The following PTPRQ variants were observed in gnomAD, a reference collection of about 807,000 sequenced individuals.
PTPRQ encodes protein tyrosine phosphatase receptor type Q, also known as phosphatidylinositol phosphatase PTPRQ.
A neutral mutation model predicts 246.0 loss-of-function variants in PTPRQ; 199 were observed. The ratio of observed to expected loss-of-function variants is 0.81; its 90% CI spans 0.72 to 0.91. The LOEUF (loss-of-function observed/expected upper bound fraction) is 0.91, where lower values mean the gene tolerates loss of function less well. Ranked by LOEUF, PTPRQ falls within the 40% of genes least tolerant of loss-of-function variation. The pLI, the probability that PTPRQ is intolerant of heterozygous loss-of-function variation, is 0.00. For synonymous variants in PTPRQ, 869 were observed against 853.2 expected, an observed-to-expected ratio of 1.02 and a Z score of -0.32; for missense variants, 2,624 against 2,528.4, an observed-to-expected ratio of 1.04 and a Z score of -0.81.
chr12:80,447,709 T>A lies in PTPRQ; in HGVS notation c.390+1992T>A, dbSNP rs1211343742. On this transcript the variant is annotated intron_variant, in intron 3 of 44. Coordinates refer to ENST00000644991, the MANE Select transcript of PTPRQ (RefSeq NM_001145026.2). ...AACTTTGTCAAAAATCAGTTGGTTG[T>A]AGGTATGTGACTTTATTTCTGGGTT... is the stretch of plus-strand genomic sequence containing the variant. 5.1e-3 allele frequency among the ~76,000 whole-genome samples: 777 copies of A among 152,182 alleles called. 8 individuals are homozygous for A. The highest frequency in any genetic ancestry group is 0.018 in the African/African-American group (737 of 41,544).
intron 9 of PTPRQ, among the ~76,000 whole-genome samples, chr12:80,486,878 C>T (rs115604438): frequency 6.6e-6 from 1 of 152,154 alleles, no homozygotes; most frequent in East Asian, 1.9e-4. Context: ...TCTGTCCCCC[C>T]ACTTTTCAGC....
At chr12:80,604,977 T>C in intron 26 of PTPRQ, 82 bp from the exon 27 acceptor site, 1 of 1,320,806 alleles carries the variant, frequency 7.6e-7, no homozygotes, top group Non-Finnish European at 9.8e-7. Flanking sequence ...TGACTATCCA[T>C]TTTTCATGGT....
intron 25 of PTPRQ, among the ~76,000 whole-genome samples, chr12:80,574,587 AT>A (rs1897234334): frequency 1.3e-5 from 2 of 151,848 alleles, no homozygotes; most frequent in South Asian, 4.1e-4. Context: ...TTGTATTATT[AT>A]TTTTCGTGGC....
intron 25 of PTPRQ, among the ~76,000 whole-genome samples, chr12:80,580,288 T>C (rs1897394278): frequency 6.6e-6 from 1 of 152,174 alleles, no homozygotes; most frequent in African/African-American, 2.4e-5. Flanking sequence ...AAATGTAATT[T>C]AGTGAATACC....
chr12:80,458,837 T>C (rs1893057544), intron 4 of PTPRQ, among the ~76,000 whole-genome samples: 1 of 152,240 alleles, frequency 6.6e-6, no homozygotes, highest in East Asian at 1.9e-4. Flanking sequence ...TTACAACCAA[T>C]TGCAGGGTAT....
At chr12:80,560,682 TC>T (rs1896797062) in intron 25 of PTPRQ, among the ~76,000 whole-genome samples, 1 of 152,206 alleles carries the variant, frequency 6.6e-6, no homozygotes. Flanking sequence ...ACACATAACA[TC>T]TTTTACGGAA....
In PTPRQ at chr12:80,475,534, G is replaced by A. The variant is rs1426746086; in HGVS notation, c.1186+3283G>A. ...TGTTTGATTTTCTTTAGGTAATTTT[G>A]TATCAATATTAAAGTCTTCTCTAGT... On this transcript the variant is annotated intron_variant, in intron 8 of 44. Coordinates refer to ENST00000644991, the MANE Select transcript of PTPRQ (RefSeq NM_001145026.2). Among the ~76,000 whole-genome samples the A allele has an allele frequency of 3.3e-5, 5 of 152,066 alleles. No individual in the cohort carries two copies. In the East Asian group the frequency reaches 9.7e-4, roughly 29 times the overall value.
intron 38 of PTPRQ, among the ~76,000 whole-genome samples, chr12:80,654,023 C>T (rs28663997): frequency 1.4e-5 from 2 of 146,416 alleles, no homozygotes; most frequent in African/African-American, 5.5e-5. Context: ...TTCTTTTTTT[C>T]TTTCTTTCTT....
Position 80,678,544 on chromosome 12 carries a change from C to T in PTPRQ, c.6739-58C>T. On this transcript the variant is annotated intron_variant, in intron 43 of 44. Transcript: ENST00000644991. Reference sequence around the variant, plus strand: ...TGCTTTTAGCTTTAACAATATAACTCCCTTTATGAAACTCTTCATCAATAT... The same window carrying T: ...TGCTTTTAGCTTTAACAATATAACTTCCTTTATGAAACTCTTCATCAATAT... 2.7e-6 allele frequency: 4 copies of T among 1,480,418 alleles called. No individual in the cohort carries two copies. The Admixed American group carries it at 9.3e-5, about 35-fold the overall frequency. 91.7% of individuals were successfully genotyped at this position (1,480,418 alleles called of 1,614,324 possible).
intron 33 of PTPRQ, among the ~76,000 whole-genome samples, chr12:80,622,726 C>T (rs1899042416): frequency 6.6e-6 from 1 of 152,052 alleles, no homozygotes; most frequent in South Asian, 2.1e-4. Flanking sequence ...GGGTTCAAAT[C>T]TTGGCTCTGT....
chr12:80,678,843 AG>A (rs1410618762), intron 44 of PTPRQ, 118 bp downstream of exon 44: 18 of 1,436,612 alleles, frequency 1.3e-5, no homozygotes, highest in Non-Finnish European at 1.6e-5. Context: ...TGCACAGATC[AG>A]GTTTTTTTTC....
At chr12:80,553,067 G>A (rs949110243) in intron 25 of PTPRQ, among the ~76,000 whole-genome samples, 1 of 151,952 alleles carries the variant, frequency 6.6e-6, no homozygotes, top group African/African-American at 2.4e-5. Context: ...CTTGGACATT[G>A]TAGGCATTCA....
chr12:80,621,095 TGTTA>T (rs1307348262), intron 32 of PTPRQ, among the ~76,000 whole-genome samples: 1 of 151,898 alleles, frequency 6.6e-6, no homozygotes, highest in African/African-American at 2.4e-5. Flanking sequence ...CATTTGTGCC[TGTTA>T]GTTAAAACAT....
At chr12:80,457,313 T>C (rs1268476153) in intron 3 of PTPRQ, among the ~76,000 whole-genome samples, 1 of 152,138 alleles carries the variant, frequency 6.6e-6, no homozygotes, top group Non-Finnish European at 1.5e-5. Context: ...AACTGGATTC[T>C]TGCTCTACCA....
rs200970200 is a variant in PTPRQ, at chr12:80,592,431, T to A, written c.4609+3979T>A. Among the ~76,000 whole-genome samples the A allele has an allele frequency of 1.5e-4, 23 of 152,248 alleles. No individual in the cohort carries two copies. The East Asian group carries it at 3.9e-3, about 26-fold the overall frequency. On this transcript the variant is annotated intron_variant, in intron 26 of 44. Transcript: ENST00000644991. ...AATTTATACATCAAAATAAAAGTTCTATTTATTATATTAAGTCAGGAAGAG... is the reference window on the plus strand; with the variant it reads ...AATTTATACATCAAAATAAAAGTTCAATTTATTATATTAAGTCAGGAAGAG...
intron 25 of PTPRQ, among the ~76,000 whole-genome samples, chr12:80,558,467 C>A (rs1307246321): frequency 8.1e-6 from 1 of 122,910 alleles, no homozygotes; most frequent in Non-Finnish European, 1.7e-5. Flanking sequence ...TGCACCTGGC[C>A]TTTTTTTTTT....
intron 25 of PTPRQ, chr12:80,586,651 C>T (rs984044229): frequency 6.6e-6 from 1 of 152,212 alleles, no homozygotes; most frequent in Admixed American, 6.5e-5. Flanking sequence ...CTGAAACTCT[C>T]CTTCTTCTCA....
At position 80,628,940 on chromosome 12, in the gene PTPRQ, G is replaced by A. The variant is rs1343310510; in HGVS notation, c.5687-3252G>A. Among the ~76,000 whole-genome samples, 6 of 152,000 alleles carry A rather than the reference G, an allele frequency of 3.9e-5. No homozygotes were observed. In the East Asian group the frequency reaches 9.7e-4, roughly 24 times the overall value. On this transcript the variant is annotated intron_variant, in intron 33 of 44. Transcript: ENST00000644991. ...TGCCATCACAAAATATCATAGATGGGGTGTGTTAAACAATAGAAGTTTATT... is the reference window on the plus strand; with the variant it reads ...TGCCATCACAAAATATCATAGATGGAGTGTGTTAAACAATAGAAGTTTATT...
At chr12:80,491,088 C>T (rs542766045) in intron 9 of PTPRQ, among the ~76,000 whole-genome samples, 9 of 151,918 alleles carry the variant, frequency 5.9e-5, no homozygotes, top group East Asian at 1.9e-4. Context: ...CAAAAGCATT[C>T]GGGTCAACTC....
Sources: gnomAD v4.1 joint callset for allele counts (sites outside exome capture counted in the v4.1 genomes callset) on GRCh38, gnomAD v4.1.1 for gene constraint, MANE v1.5 for transcripts, NCBI Gene and HGNC (gene_info 2026-07-23, HGNC 2026-07-21) for gene names.